The following AKAP10 variants were observed in gnomAD, a reference collection of about 807,000 sequenced individuals.
AKAP10 encodes the protein A-kinase anchoring protein 10, also known as A-kinase anchor protein 10, mitochondrial.
AKAP10 carries 24 observed loss-of-function variants against 80.8 expected under a neutral mutation model. That is an observed-to-expected ratio of 0.30 (90% CI 0.22 to 0.42). The LOEUF (loss-of-function observed/expected upper bound fraction) is 0.42. AKAP10 is among the 10% of genes least tolerant of loss of function. The pLI is 1.00. For synonymous variants in AKAP10, 291 were observed against 277.7 expected, an observed-to-expected ratio of 1.05 and a Z score of -0.48; for missense variants, 661 against 794.9, an observed-to-expected ratio of 0.83 and a Z score of 2.03.
At chr17:19,947,572 A>G (rs911584451) in intron 4 of AKAP10, 67 bp from the exon 5 acceptor site, 2 of 1,041,482 alleles carry the variant, frequency 1.9e-6, no homozygotes, top group African/African-American at 3.2e-5. Context: ...AATTATATTC[A>G]TGAATAGCAG....
chr17:19,975,621 CACTT>C (rs1426792543), intron 1 of AKAP10, among the ~76,000 whole-genome samples: 1 of 152,216 alleles, frequency 6.6e-6, no homozygotes, highest in Non-Finnish European at 1.5e-5. Flanking sequence ...TATACACACA[CACTT>C]ACATGGAGCG....
chr17:19,947,465 T>TA lies in AKAP10; in HGVS notation c.917dup (p.Ser307IlefsTer6), dbSNP rs770645496. On this transcript the variant is annotated frameshift_variant, in exon 5 of 15. Transcript: ENST00000225737. LOFTEE classifies it high-confidence loss of function. Reference sequence around the variant, plus strand: ...GTATTGGTTTAGCAGCATCTGGAGATATATATTTGGTAAAAGTATTCACTG... The same window carrying TA: ...GTATTGGTTTAGCAGCATCTGGAGATAATATATTTGGTAAAAGTATTCACTG... The TA allele has an allele frequency of 6.2e-7, 1 of 1,613,138 alleles. No individual in the cohort carries two copies. The highest frequency in any genetic ancestry group is 1.7e-5 in the Admixed American group (1 of 60,006).
rs1006472103 is a variant in AKAP10, at chr17:19,906,035, T to C, written c.*192A>G. 6.9e-6 allele frequency: 4 copies of C among 583,862 alleles called. No individual in the cohort carries two copies. The highest frequency in any genetic ancestry group is 4.7e-5 in the South Asian group (2 of 42,522). 36.2% of individuals were successfully genotyped at this position (583,862 alleles called of 1,614,324 possible). A position where few individuals can be genotyped will look rare whatever the true frequency, so the allele number is the denominator to read the frequency against. On this transcript the variant is annotated 3_prime_UTR_variant, in exon 15 of 15. Coordinates refer to ENST00000225737, the MANE Select transcript of AKAP10 (RefSeq NM_007202.4). ...TAAGACTCTCACTGTGTGAACATCA[T>C]GTGCATCAATTATGCCTACAGGTAA...
rs1026097765 is a variant in AKAP10 at position 19,909,964 on chromosome 17, G to T, written c.1849C>A (p.Gln617Lys). 5 of 1,613,560 alleles carry T rather than the reference G, an allele frequency of 3.1e-6. No homozygotes were observed. Among genetic ancestry groups the T allele is most frequent in the Non-Finnish European group, 4.2e-6 (5 of 1,179,782 alleles). ...VRKSKGSMFS[Q>K]AMKKWVQGNT... ...CCTTGCACCCATTTCTTCATAGCTT[G>T]TGAGAACATGGATCCTAGTAAACAA... The change falls in exon 13 of 15, where the codon CAA becomes AAA. Residue 617 changes from glutamine to lysine, a missense_variant. Physicochemically the swap from Gln to Lys is moderately conservative, Grantham distance 53. Coordinates refer to ENST00000225737, the MANE Select transcript of AKAP10 (RefSeq NM_007202.4).
intron 1 of AKAP10, 78 bp from the exon 2 acceptor site, chr17:19,968,539 CT>C: frequency 8.3e-7 from 1 of 1,202,434 alleles, no homozygotes; most frequent in Non-Finnish European, 1.2e-6. Context: ...ATTAGACCAG[CT>C]TTATTCTAAG....
chr17:19,917,664 C>T (rs2152410496), intron 12 of AKAP10, among the ~76,000 whole-genome samples: 1 of 152,222 alleles, frequency 6.6e-6, no homozygotes, highest in East Asian at 1.9e-4. Context: ...TTACCCAATA[C>T]AAGCTCACGC....
rs73980727 is a variant in AKAP10 at position 19,909,167 on chromosome 17, G to A, written c.1983+14C>T. On this transcript the variant is annotated intron_variant, in intron 14 of 14. Coordinates refer to ENST00000225737, the MANE Select transcript of AKAP10 (RefSeq NM_007202.4). ...TAATACTTTTTAGTTTACACAAAAC[G>A]AAGTCATCCTTACCTTTGTAGATTT... 2.3e-3 allele frequency: 3,625 copies of A among 1,581,920 alleles called. 71 individuals carry two copies. In the African/African-American group the frequency reaches 0.044, roughly 19 times the overall value.
At chr17:19,949,922 C>G (rs1597513547) in intron 4 of AKAP10, among the ~76,000 whole-genome samples, 1 of 152,004 alleles carries the variant, frequency 6.6e-6, no homozygotes, top group East Asian at 1.9e-4. Flanking sequence ...AATGTGAGTA[C>G]ACTGTGAAAA....
intron 7 of AKAP10, among the ~76,000 whole-genome samples, chr17:19,940,310 AGAATC>A (rs1258051809): frequency 1.1e-4 from 16 of 152,368 alleles, no homozygotes; most frequent in African/African-American, 3.6e-4. Context: ...GTAAAGAGGC[AGAATC>A]GAGTGTCTAA....
At position 19,941,147 on chromosome 17, in the gene AKAP10, T is replaced by C. The variant is rs1597506494; in HGVS notation, c.1062-137A>G. On this transcript the variant is annotated intron_variant, in intron 6 of 14. Coordinates refer to ENST00000225737, the MANE Select transcript of AKAP10 (RefSeq NM_007202.4). The stretch of plus-strand genomic sequence containing the variant: ...CACTACCTTACTCCCCATGGTGTCA[T>C]TCCTGATTCCTTTACCTGTATGTAA... 3.4e-6 allele frequency: 3 copies of C among 872,992 alleles called. No homozygotes were observed. The East Asian group carries it at 8.9e-5, about 26-fold the overall frequency. 54.1% of individuals were successfully genotyped at this position (872,992 alleles called of 1,614,324 possible).
rs1343074423 is a variant in AKAP10, at chr17:19,968,424, C to T, written c.126G>A (p.Lys42=). ...AAGGGCAGAACTTACCTTTAATGGA[C>T]TTCACATCTGAGGTCTTCTCTTGTT... The part of the protein sequence containing the change: ...GKEQEKTSDV[K]SIKASISVHS... The change falls in exon 2 of 15, where the codon AAG becomes AAA. Residue 42 remains lysine (K), a synonymous_variant. Coordinates refer to ENST00000225737, the MANE Select transcript of AKAP10 (RefSeq NM_007202.4). The T allele has an allele frequency of 6.2e-7, 1 of 1,613,522 alleles. No homozygotes were observed. The highest frequency in any genetic ancestry group is 1.7e-5 in the Admixed American group (1 of 59,938).
rs999604559 is a variant in AKAP10 at position 19,941,923 on chromosome 17, T to C, written c.977-13A>G. On this transcript the variant is annotated splice_polypyrimidine_tract_variant and intron_variant, in intron 5 of 14. Transcript: ENST00000225737. Reference sequence around the variant, plus strand: ...CCACAAATCCTTGCTGCAAAAGAAGTTGTAAATAATTAAATTGCCACTAAA... The same window carrying C: ...CCACAAATCCTTGCTGCAAAAGAAGCTGTAAATAATTAAATTGCCACTAAA... The C allele has an allele frequency of 6.2e-7, 1 of 1,606,414 alleles. No individual in the cohort carries two copies. The highest frequency in any genetic ancestry group is 2.2e-5 in the East Asian group (1 of 44,624).
At chr17:19,936,114 T>C (rs1597502854) in intron 9 of AKAP10, 172 bp downstream of exon 9, 2 of 564,724 alleles carry the variant, frequency 3.5e-6, no homozygotes, top group East Asian at 3.0e-5. Flanking sequence ...TAAAATGTTA[T>C]GTGGCACGTG....
chr17:19,969,437 G>A (rs1315269991), intron 1 of AKAP10, among the ~76,000 whole-genome samples: 2 of 151,994 alleles, frequency 1.3e-5, no homozygotes, highest in African/African-American at 4.8e-5. Context: ...CTGTAGATAA[G>A]CTAATATGAC....
intron 3 of AKAP10, 31 bp downstream of exon 3, chr17:19,962,809 T>C (rs759234178): frequency 6.3e-7 from 1 of 1,597,796 alleles, no homozygotes; most frequent in South Asian, 1.1e-5. Context: ...ATCCTTCTAA[T>C]ACAAGTTAAT....
intron 5 of AKAP10, among the ~76,000 whole-genome samples, chr17:19,942,699 T>C (rs1247968289): frequency 6.6e-6 from 1 of 152,184 alleles, no homozygotes; most frequent in African/African-American, 2.4e-5. Flanking sequence ...GCGAAACAAT[T>C]AGCTATTTAG....
intron 10 of AKAP10, among the ~76,000 whole-genome samples, chr17:19,927,349 C>T (rs2042885988): frequency 6.6e-6 from 1 of 151,300 alleles, no homozygotes; most frequent in South Asian, 2.1e-4. Flanking sequence ...AACAAACAAA[C>T]AAACAAACAA....
chr17:19,945,927 C>A (rs189616542), intron 5 of AKAP10, among the ~76,000 whole-genome samples: 9 of 151,448 alleles, frequency 5.9e-5, no homozygotes, highest in Non-Finnish European at 1.2e-4. Flanking sequence ...TGTGAATATA[C>A]GTTCACCTAA....
At chr17:19,954,138 G>A (rs993330943) in intron 4 of AKAP10, among the ~76,000 whole-genome samples, 1 of 152,074 alleles carries the variant, frequency 6.6e-6, no homozygotes, top group African/African-American at 2.4e-5. Context: ...TCTAGAAAAT[G>A]GAAATAAGAG....
Sources: allele counts gnomAD v4.1 joint callset (sites outside exome capture counted in the v4.1 genomes callset), GRCh38; gene constraint gnomAD v4.1.1; transcripts MANE v1.5; gene names NCBI Gene and HGNC (gene_info 2026-07-23, HGNC 2026-07-21).